Variants in SOX6 observed in about 807,000 individuals in gnomAD.
SOX6 encodes the protein SRY-box transcription factor 6, also known as transcription factor SOX-6.
A neutral mutation model predicts 97.8 loss-of-function variants in SOX6; 11 were observed. The ratio of observed to expected loss-of-function variants is 0.11; its 90% confidence interval spans 0.07 to 0.19. SOX6 has a LOEUF of 0.19. SOX6 is among the 10% of genes least tolerant of loss of function. The probability of loss-of-function intolerance (pLI) is 1.00; values close to 1 mark genes in which losing one functional copy is unlikely to be tolerated. For synonymous variants in SOX6, 360 were observed against 371.4 expected, an observed-to-expected ratio of 0.97 and a Z score of 0.35; for missense variants, 810 against 1,039.5, an observed-to-expected ratio of 0.78 and a Z score of 3.04.
intron 4 of SOX6, among the ~76,000 whole-genome samples, chr11:16,486,389 G>A (rs1377448365): frequency 2.6e-5 from 4 of 151,662 alleles, no homozygotes; most frequent in Non-Finnish European, 5.9e-5. Context: ...ACCTATTATT[G>A]TCTTTTTTAA....
At chr11:16,263,672 A>G (rs900953433) in intron 3 of SOX6, among the ~76,000 whole-genome samples, 4 of 151,976 alleles carry the variant, frequency 2.6e-5, no homozygotes, top group Non-Finnish European at 5.9e-5. Context: ...CATAATTCAT[A>G]GTGGAAAAGT....
At chr11:16,368,186 T>G (rs297326) in intron 1 of SOX6, among the ~76,000 whole-genome samples, 102,262 of 152,004 alleles carry the variant, frequency 0.67, 34,687 homozygotes, top group Non-Finnish European at 0.72. Flanking sequence ...AGCAAAAAGA[T>G]CATTGAACAC....
intron 12 of SOX6, among the ~76,000 whole-genome samples, chr11:16,037,219 TACA>T (rs1245698852): frequency 6.6e-6 from 1 of 152,218 alleles, no homozygotes; most frequent in East Asian, 1.9e-4. Flanking sequence ...AAATGTTTAG[TACA>T]ACAAGTGGAT....
At chr11:16,297,962 C>T (rs1855147363) in intron 3 of SOX6, among the ~76,000 whole-genome samples, 1 of 152,096 alleles carries the variant, frequency 6.6e-6, no homozygotes, top group Non-Finnish European at 1.5e-5. Flanking sequence ...ATTCTGGAGT[C>T]TCTTTTTCAC....
chr11:16,496,006 C>A (rs1860589217), intron 4 of SOX6, among the ~76,000 whole-genome samples: 1 of 152,156 alleles, frequency 6.6e-6, no homozygotes, highest in African/African-American at 2.4e-5. Context: ...CATACAGAGA[C>A]TACACAAATG....
chr11:16,320,955 T>A lies in SOX6; in HGVS notation c.238-2302A>T, dbSNP rs192334445. 5.3e-5 allele frequency among the ~76,000 whole-genome samples: 8 copies of A among 152,222 alleles called. No individual in the cohort carries two copies. The East Asian group carries it at 1.5e-3, about 29-fold the overall frequency. On this transcript the variant is annotated intron_variant, in intron 2 of 15. Coordinates refer to ENST00000683767, the MANE Select transcript of SOX6 (RefSeq NM_001367873.1). ...AGCTCTTCTTTACCTTTCTTCTAGA[T>A]CCCTTCCTTCCTCCAGGAAAGATGT...
chr11:16,516,028 C>T (rs972562646), intron 4 of SOX6, among the ~76,000 whole-genome samples: 191 of 151,858 alleles, frequency 1.3e-3, no homozygotes, highest in African/African-American at 4.2e-3. Context: ...CTTGGCAATG[C>T]GGGCTCTTTT....
upstream of SOX6, among the ~76,000 whole-genome samples, chr11:16,361,325 C>T (rs548439653): frequency 4.5e-4 from 69 of 152,176 alleles, no homozygotes; most frequent in Admixed American, 1.7e-3. Context: ...ACTCAATAGA[C>T]ATTGTTCCAA....
intron 4 of SOX6, among the ~76,000 whole-genome samples, chr11:16,597,334 G>T (rs199903031): frequency 1.2e-5 from 1 of 82,972 alleles, no homozygotes. Context: ...ATGTATATGT[G>T]TGTGTGTATA....
In SOX6 at chr11:16,182,089, C is replaced by A. The variant is rs182289824; in HGVS notation, c.777+1797G>T. Among the ~76,000 whole-genome samples the A allele has an allele frequency of 5.9e-5, 9 of 151,872 alleles. No homozygotes were observed. In the East Asian group the frequency reaches 1.7e-3, roughly 29 times the overall value. ...ATGTAGTCAATTTATACTACACAAT[C>A]ATATATAAGTAATACACACTAAAAA... is the stretch of plus-strand genomic sequence containing the variant. On this transcript the variant is annotated intron_variant, in intron 6 of 15. Coordinates refer to ENST00000683767, the MANE Select transcript of SOX6 (RefSeq NM_001367873.1).
chr11:16,556,329 A>C (rs1296054087), intron 4 of SOX6, among the ~76,000 whole-genome samples: 1 of 151,810 alleles, frequency 6.6e-6, no homozygotes, highest in Non-Finnish European at 1.5e-5. Flanking sequence ...CTAAAGCTGT[A>C]CTAAATTATT....
intron 3 of SOX6, among the ~76,000 whole-genome samples, chr11:16,240,616 A>G (rs1853166975): frequency 6.6e-6 from 1 of 152,036 alleles, no homozygotes; most frequent in Non-Finnish European, 1.5e-5. Flanking sequence ...AACACCTATA[A>G]CAATAACAGA....
upstream of SOX6, among the ~76,000 whole-genome samples, chr11:16,477,276 T>G (rs1188898588): frequency 6.6e-6 from 1 of 152,144 alleles, no homozygotes; most frequent in Non-Finnish European, 1.5e-5. Context: ...CTTGATTCAA[T>G]CTGCAGTTTT....
chr11:16,723,420 ACTTCTGTG>A (rs1034828394), intron 2 of SOX6, among the ~76,000 whole-genome samples: 4 of 152,158 alleles, frequency 2.6e-5, no homozygotes, highest in Middle Eastern at 3.4e-3. Context: ...TGTGCAACAA[ACTTCTGTG>A]GCATGTGTTT....
chr11:16,440,628 T>A (rs2133085298), intron 1 of SOX6, among the ~76,000 whole-genome samples: 1 of 152,310 alleles, frequency 6.6e-6, no homozygotes, highest in Middle Eastern at 3.4e-3. Context: ...TTTCCTACAA[T>A]GCAAAAATTA....
At chr11:16,343,246 A>G (rs1303979442) in intron 1 of SOX6, among the ~76,000 whole-genome samples, 2 of 151,970 alleles carry the variant, frequency 1.3e-5, no homozygotes, top group Non-Finnish European at 2.9e-5. Flanking sequence ...AGATACTGAC[A>G]ATATCAATAA....
At position 16,727,290 on chromosome 11, in the gene SOX6, CTTTTTTTTTTT is replaced by C. The variant is rs557437543; in HGVS notation, n.353+9038_353+9048del. Among the ~76,000 whole-genome samples the C allele has an allele frequency of 4.4e-4, 41 of 92,984 alleles. 1 individual carries two copies. Among genetic ancestry groups the C allele is most frequent in the African/African-American group, 1.3e-3 (32 of 23,798 alleles). The allele number at this position is 92,984 out of a possible 152,430, so 61.0% of individuals were successfully genotyped here. On this transcript the variant is annotated intron_variant and non_coding_transcript_variant, in intron 2 of 5. Coordinates refer to the SOX6 transcript ENST00000524520. ...CACTTTATATGCTATATTCACCTTG[CTTTTTTTTTTT>C]TTTTTTTTTTTGGAGACTGCCCCAT...
chr11:16,003,153 AT>A (rs1436376373), intron 13 of SOX6, among the ~76,000 whole-genome samples: 1 of 152,020 alleles, frequency 6.6e-6, no homozygotes, highest in Non-Finnish European at 1.5e-5. Context: ...TACAGTACAG[AT>A]GGCTTTCCGT....
At chr11:16,000,593 A>G (rs1017722965) in intron 13 of SOX6, among the ~76,000 whole-genome samples, 3 of 133,638 alleles carry the variant, frequency 2.2e-5, no homozygotes, top group African/African-American at 7.4e-5. Flanking sequence ...AAAGTTTAAT[A>G]TCTTTGTTTT....
Sources: allele counts gnomAD v4.1 joint callset (sites outside exome capture counted in the v4.1 genomes callset), GRCh38; gene constraint gnomAD v4.1.1; transcripts MANE v1.5; gene names NCBI Gene and HGNC (gene_info 2026-07-23, HGNC 2026-07-21).